Variants in BRINP3 observed in about 807,000 individuals in gnomAD.
The protein encoded by BRINP3 is BMP/retinoic acid-inducible neural-specific protein 3.
BRINP3 carries 19 observed loss-of-function variants against 71.0 expected under a neutral mutation model. The ratio of observed to expected loss-of-function variants is 0.27; its 90% confidence interval spans 0.19 to 0.39. BRINP3 has a LOEUF of 0.39. Among genes scored for constraint, BRINP3 ranks in the 10% least tolerant of loss-of-function variants. The pLI, the probability that BRINP3 is intolerant of heterozygous loss-of-function variation, is 1.00. For missense variants in BRINP3, 959 were observed against 940.8 expected, an observed-to-expected ratio of 1.02 and a Z score of -0.25; for synonymous variants, 380 against 337.7, an observed-to-expected ratio of 1.13 and a Z score of -1.37.
At chr1:190,300,611 A>G (rs923715609) in intron 2 of BRINP3, among the ~76,000 whole-genome samples, 2 of 152,046 alleles carry the variant, frequency 1.3e-5, no homozygotes, top group African/African-American at 4.8e-5. Flanking sequence ...TCAAGTGGGT[A>G]CCTGACCTCT....
At chr1:190,220,522 G>A (rs866975539) in intron 6 of BRINP3, among the ~76,000 whole-genome samples, 2 of 151,932 alleles carry the variant, frequency 1.3e-5, no homozygotes, top group Admixed American at 6.6e-5. Context: ...CACATGTAAC[G>A]CAGAACTTAA....
intron 4 of BRINP3, among the ~76,000 whole-genome samples, chr1:190,258,698 AAGAC>A (rs1473604750): frequency 1.3e-5 from 2 of 152,228 alleles, no homozygotes; most frequent in Non-Finnish European, 2.9e-5. Context: ...CATTTCTAGG[AAGAC>A]AGAGACTTTC....
intron 2 of BRINP3, among the ~76,000 whole-genome samples, chr1:190,391,035 G>A (rs1000947599): frequency 1.3e-5 from 2 of 151,858 alleles, no homozygotes; most frequent in Admixed American, 1.3e-4. Context: ...GGAGGCATGA[G>A]ATTTGCAGGA....
At chr1:190,305,613 G>T (rs190510654) in intron 2 of BRINP3, among the ~76,000 whole-genome samples, 5 of 151,594 alleles carry the variant, frequency 3.3e-5, no homozygotes, top group South Asian at 4.2e-4. Context: ...GGGGTAAACT[G>T]GTCAATTGCT....
chr1:190,313,428 A>T (rs1665666990), intron 2 of BRINP3, among the ~76,000 whole-genome samples: 1 of 152,012 alleles, frequency 6.6e-6, no homozygotes, highest in Non-Finnish European at 1.5e-5. Flanking sequence ...AGTGGTAAAA[A>T]TGGTAAAAGC....
chr1:190,417,938 G>A (rs922338448), intron 2 of BRINP3, among the ~76,000 whole-genome samples: 2 of 152,116 alleles, frequency 1.3e-5, no homozygotes, highest in Non-Finnish European at 2.9e-5. Flanking sequence ...TTTAAAGGCA[G>A]CCAGATAACA....
intron 7 of BRINP3, among the ~76,000 whole-genome samples, chr1:190,124,790 T>C (rs1403595690): frequency 6.6e-6 from 1 of 152,072 alleles, no homozygotes; most frequent in Non-Finnish European, 1.5e-5. Flanking sequence ...GGTTGTCCTA[T>C]ACAAGTAGTA....
intron 6 of BRINP3, among the ~76,000 whole-genome samples, chr1:190,220,395 G>T (rs1656773373): frequency 6.6e-6 from 1 of 152,016 alleles, no homozygotes; most frequent in Non-Finnish European, 1.5e-5. Context: ...CCTGTCAGGG[G>T]TTGGGGGCTA....
chr1:190,383,915 A>G (rs1670712438), intron 2 of BRINP3, among the ~76,000 whole-genome samples: 1 of 151,938 alleles, frequency 6.6e-6, no homozygotes, highest in African/African-American at 2.4e-5. Context: ...AGCACTTTAC[A>G]TGAATTAACC....
intron 1 of BRINP3, chr1:190,476,096 A>G (rs956542857): frequency 1.3e-5 from 2 of 151,828 alleles, no homozygotes; most frequent in African/African-American, 4.8e-5. Context: ...TCAAGGGGGA[A>G]AAGCCCTTGA....
intron 2 of BRINP3, among the ~76,000 whole-genome samples, chr1:190,441,375 T>C (rs761044604): frequency 5.3e-5 from 8 of 152,052 alleles, no homozygotes; most frequent in Non-Finnish European, 1.0e-4. Context: ...AAAAACTATA[T>C]CTCACATCTG....
chr1:190,218,394 G>T (rs1308707989), intron 6 of BRINP3, among the ~76,000 whole-genome samples: 3 of 151,946 alleles, frequency 2.0e-5, no homozygotes, highest in Non-Finnish European at 4.4e-5. Flanking sequence ...CAATTCCATT[G>T]TGTAAATATA....
In BRINP3 at chr1:190,098,024, A is replaced by G; in HGVS notation, c.2295T>C (p.Cys765=). The change falls in exon 8 of 8, where the codon TGT becomes TGC. Residue 765 remains cysteine, a synonymous_variant. Transcript: ENST00000367462. ...TTGTGCTTGACATTTATGGTTAACT[A>G]CATAATTTGGTCGTGTCATAATCCA... is the stretch of plus-strand genomic sequence containing the variant. ...NTMDYDTTKL[C]S The G allele has an allele frequency of 1.2e-6, 2 of 1,602,564 alleles. No homozygotes were observed. The highest frequency in any genetic ancestry group is 1.7e-6 in the Non-Finnish European group (2 of 1,174,116).
At chr1:190,119,021 A>C (rs1459711901) in intron 7 of BRINP3, among the ~76,000 whole-genome samples, 1 of 152,130 alleles carries the variant, frequency 6.6e-6, no homozygotes, top group Non-Finnish European at 1.5e-5. Context: ...ATAACAGTTA[A>C]AATATAAACT....
chr1:190,450,196 T>C (rs1675513564), intron 2 of BRINP3, among the ~76,000 whole-genome samples: 1 of 152,142 alleles, frequency 6.6e-6, no homozygotes, highest in Non-Finnish European at 1.5e-5. Context: ...GCGAAGTTGC[T>C]ATTAGGATCC....
intron 2 of BRINP3, among the ~76,000 whole-genome samples, chr1:190,435,404 A>G (rs915912489): frequency 2.6e-5 from 4 of 151,830 alleles, no homozygotes; most frequent in Non-Finnish European, 4.4e-5. Flanking sequence ...GATTTCCAGA[A>G]CTCATTTTTT....
intron 6 of BRINP3, among the ~76,000 whole-genome samples, chr1:190,181,756 T>C (rs546559414): frequency 6.6e-6 from 1 of 152,146 alleles, no homozygotes; most frequent in African/African-American, 2.4e-5. Flanking sequence ...CATATTATAA[T>C]GTTTTCTTTG....
intron 6 of BRINP3, among the ~76,000 whole-genome samples, chr1:190,196,323 T>A (rs1654475052): frequency 1.3e-5 from 2 of 152,126 alleles, no homozygotes; most frequent in African/African-American, 4.8e-5. Flanking sequence ...TTGGGTGCTA[T>A]AAATCAAATA....
chr1:190,407,863 G>A (rs1482980782), intron 2 of BRINP3, among the ~76,000 whole-genome samples: 10 of 151,890 alleles, frequency 6.6e-5, no homozygotes, highest in African/African-American at 9.7e-5. Flanking sequence ...AATTTATTAC[G>A]TTGGCTGAGA....
Sources: allele counts gnomAD v4.1 joint callset (sites outside exome capture counted in the v4.1 genomes callset), GRCh38; gene constraint gnomAD v4.1.1; transcripts MANE v1.5; gene names NCBI Gene and HGNC (gene_info 2026-07-23, HGNC 2026-07-21).